The following PVT1 variants were observed in gnomAD, a reference collection of about 807,000 sequenced individuals.
PVT1 encodes CXCR4/PVT1 fusion.
intron 4 of PVT1, among the ~76,000 whole-genome samples, chr8:128,021,454 C>T (rs1024641624): frequency 3.3e-5 from 5 of 151,870 alleles, no homozygotes; most frequent in Non-Finnish European, 5.9e-5. Context: ...CCACCATGCC[C>T]GGTTAATTTT....
chr8:127,978,522 C>G (rs1454402118), intron 3 of PVT1, among the ~76,000 whole-genome samples: 1 of 151,814 alleles, frequency 6.6e-6, no homozygotes, highest in Non-Finnish European at 1.5e-5. Context: ...GCTCTGTTGC[C>G]CAGGCTGGAG....
chr8:127,903,814 T>C (rs1815788178), intron 3 of PVT1, among the ~76,000 whole-genome samples: 1 of 152,228 alleles, frequency 6.6e-6, no homozygotes, highest in Admixed American at 6.5e-5. Flanking sequence ...ACCATGCTGT[T>C]TGGGTTACTG....
At chr8:128,055,399 A>G (rs1016156098) in intron 4 of PVT1, among the ~76,000 whole-genome samples, 1 of 152,252 alleles carries the variant, frequency 6.6e-6, no homozygotes, top group Non-Finnish European at 1.5e-5. Flanking sequence ...TATCAATAAA[A>G]TGGAAATAAT....
At chr8:128,010,968 G>A (rs1051266842) in intron 4 of PVT1, among the ~76,000 whole-genome samples, 1 of 152,206 alleles carries the variant, frequency 6.6e-6, no homozygotes, top group African/African-American at 2.4e-5. Context: ...TTTTGGTTTA[G>A]GAGTCTTAAT....
chr8:127,938,818 G>T (rs557448556), intron 3 of PVT1, among the ~76,000 whole-genome samples: 1 of 152,302 alleles, frequency 6.6e-6, no homozygotes, highest in East Asian at 1.9e-4. Flanking sequence ...AGTGGGTCTC[G>T]TTCGATGGTG....
intron 5 of PVT1, among the ~76,000 whole-genome samples, chr8:128,081,284 A>G (rs1033007703): frequency 1.3e-5 from 2 of 152,210 alleles, no homozygotes; most frequent in Admixed American, 6.5e-5. Context: ...TTGTTTATCT[A>G]TTCACTTATT....
At chr8:127,897,735 A>G (rs1300166084) in intron 3 of PVT1, among the ~76,000 whole-genome samples, 1 of 151,600 alleles carries the variant, frequency 6.6e-6, no homozygotes, top group African/African-American at 2.4e-5. Flanking sequence ...AAAGAAGGAA[A>G]GAAAGATTCA....
chr8:127,841,183 G>A (rs1814969491), intron 2 of PVT1, among the ~76,000 whole-genome samples: 2 of 152,276 alleles, frequency 1.3e-5, no homozygotes, highest in Non-Finnish European at 2.9e-5. Flanking sequence ...CTGTTCAGCA[G>A]ATTCCCTTTC....
chr8:127,808,290 T>G (rs182246581), intron 2 of PVT1, among the ~76,000 whole-genome samples: 75 of 151,866 alleles, frequency 4.9e-4, no homozygotes, highest in Non-Finnish European at 4.4e-4. Context: ...TCTGGTGATC[T>G]ACCTGCCTCA....
At chr8:128,087,658 A>G (rs1390503733) in intron 5 of PVT1, among the ~76,000 whole-genome samples, 3 of 151,892 alleles carry the variant, frequency 2.0e-5, no homozygotes, top group Non-Finnish European at 4.4e-5. Context: ...ATTTACTTTG[A>G]ATGATTGGCT....
chr8:127,840,555 G>C (rs1393674475), intron 2 of PVT1, among the ~76,000 whole-genome samples: 4 of 152,238 alleles, frequency 2.6e-5, no homozygotes, highest in African/African-American at 9.6e-5. Flanking sequence ...ATCTCCAAAG[G>C]CCTTAAAATA....
chr8:127,987,616 A>G (rs1186373786), intron 3 of PVT1, among the ~76,000 whole-genome samples: 1 of 152,226 alleles, frequency 6.6e-6, no homozygotes, highest in East Asian at 1.9e-4. Context: ...TAACACCAGG[A>G]ACAAGCCTCT....
intron 4 of PVT1, among the ~76,000 whole-genome samples, chr8:128,029,654 G>A (rs559874505): frequency 6.4e-4 from 97 of 152,222 alleles, no homozygotes; most frequent in African/African-American, 2.1e-3. Context: ...ACAAAAATTA[G>A]CTGAGCGTGG....
At chr8:128,014,701 T>A (rs759205870) in intron 4 of PVT1, among the ~76,000 whole-genome samples, 21 of 152,230 alleles carry the variant, frequency 1.4e-4, no homozygotes, top group Non-Finnish European at 1.8e-4. Flanking sequence ...CTTAGTGATG[T>A]CTGCTACCAC....
At chr8:128,042,618 T>TA (rs1479643742) in intron 4 of PVT1, among the ~76,000 whole-genome samples, 2 of 152,228 alleles carry the variant, frequency 1.3e-5, no homozygotes, top group East Asian at 3.9e-4. Context: ...CACAGGTCTT[T>TA]GTGTGAGGAA....
intron 2 of PVT1, among the ~76,000 whole-genome samples, chr8:127,822,900 A>G (rs900610800): frequency 1.3e-4 from 20 of 152,180 alleles, no homozygotes; most frequent in African/African-American, 4.6e-4. Flanking sequence ...TTGTCCTGTA[A>G]CCCATGGAGA....
chr8:127,831,003 G>A (rs567560784), intron 2 of PVT1, among the ~76,000 whole-genome samples: 19 of 151,754 alleles, frequency 1.3e-4, no homozygotes, highest in East Asian at 5.8e-4. Flanking sequence ...CCTTGTGATC[G>A]TATAAGTTAA....
intron 3 of PVT1, among the ~76,000 whole-genome samples, chr8:127,931,680 C>A (rs1008402567): frequency 3.9e-5 from 6 of 152,204 alleles, no homozygotes; most frequent in African/African-American, 1.4e-4. Context: ...AACCACTGAG[C>A]GGCACTGCCA....
At chr8:127,926,118 C>G (rs1244764896) in intron 3 of PVT1, among the ~76,000 whole-genome samples, 1 of 152,188 alleles carries the variant, frequency 6.6e-6, no homozygotes, top group Non-Finnish European at 1.5e-5. Flanking sequence ...CTGGCCGGCT[C>G]TCTTCTCCCC....
Sources: allele counts gnomAD v4.1 joint callset (sites outside exome capture counted in the v4.1 genomes callset), GRCh38; gene constraint gnomAD v4.1.1; transcripts MANE v1.5; gene names NCBI Gene and HGNC (gene_info 2026-07-23, HGNC 2026-07-21).